Variants in USP15 observed in about 807,000 individuals in gnomAD.
The protein encoded by USP15 is ubiquitin carboxyl-terminal hydrolase 15.
In USP15, 18 loss-of-function variants were observed where a neutral mutation model predicts 127.1. The ratio of observed to expected loss-of-function variants is 0.14; its 90% CI spans 0.10 to 0.21. The LOEUF (loss-of-function observed/expected upper bound fraction) is 0.21. Among genes scored for constraint, USP15 ranks in the 10% least tolerant of loss-of-function variants. The probability of loss-of-function intolerance (pLI) is 1.00; values close to 1 mark genes in which losing one functional copy is unlikely to be tolerated. For synonymous variants in USP15, 364 were observed against 393.7 expected (o/e 0.92, Z 0.89); for missense variants, 805 against 1,159.9 (o/e 0.69, Z 4.44).
chr12:62,392,844 T>C (rs1176772717), intron 18 of USP15, among the ~76,000 whole-genome samples: 1 of 152,174 alleles, frequency 6.6e-6, no homozygotes, highest in East Asian at 1.9e-4. Flanking sequence ...AGTATTTATT[T>C]GTATATTAAT....
chr12:62,357,574 A>T (rs1280730924), intron 8 of USP15, among the ~76,000 whole-genome samples: 1 of 152,074 alleles, frequency 6.6e-6, no homozygotes, highest in East Asian at 1.9e-4. Flanking sequence ...TTTTTGACAA[A>T]AATTTTAGCA....
At chr12:62,354,732 A>T (rs528211211) in intron 7 of USP15, among the ~76,000 whole-genome samples, 1 of 152,058 alleles carries the variant, frequency 6.6e-6, no homozygotes, top group South Asian at 2.1e-4. Flanking sequence ...TAACACTGGG[A>T]TATACTTGCG....
At chr12:62,279,319 T>C (rs2063584338) in intron 1 of USP15, among the ~76,000 whole-genome samples, 1 of 152,204 alleles carries the variant, frequency 6.6e-6, no homozygotes, top group African/African-American at 2.4e-5. Context: ...TTGCTGCATA[T>C]GGCAGGATTT....
chr12:62,362,362 A>G (rs1355305824), intron 8 of USP15, among the ~76,000 whole-genome samples: 1 of 152,082 alleles, frequency 6.6e-6, no homozygotes, highest in Non-Finnish European at 1.5e-5. Flanking sequence ...GGCCCCCATA[A>G]TACAAGATGC....
intron 8 of USP15, among the ~76,000 whole-genome samples, chr12:62,370,632 C>T (rs1265977483): frequency 6.6e-6 from 1 of 151,994 alleles, no homozygotes; most frequent in Non-Finnish European, 1.5e-5. Flanking sequence ...ATGATACCAC[C>T]CTATAGAAAT....
chr12:62,380,060 T>G (rs1373610516), intron 8 of USP15, among the ~76,000 whole-genome samples: 1 of 152,052 alleles, frequency 6.6e-6, no homozygotes. Context: ...GCTGAAAATA[T>G]GTATATGACT....
rs1406237023 is a variant in USP15, at chr12:62,391,797, AAT to A, written c.2234-16_2234-15del. 1 of 1,573,214 alleles carries A rather than the reference AAT, an allele frequency of 6.4e-7. No homozygotes were observed. Among genetic ancestry groups the A allele is most frequent in the Non-Finnish European group, 8.6e-7 (1 of 1,157,998 alleles). ...AAGACATATTAAATTTTAAAGAAAAAATATGTTTTCCACCTTAGAAAGATCTT... is the reference window on the plus strand; with the variant it reads ...AAGACATATTAAATTTTAAAGAAAAAATGTTTTCCACCTTAGAAAGATCTT... On this transcript the variant is annotated splice_polypyrimidine_tract_variant and intron_variant, in intron 16 of 21. Coordinates refer to ENST00000280377, the MANE Select transcript of USP15 (RefSeq NM_001252078.2).
intron 2 of USP15, among the ~76,000 whole-genome samples, chr12:62,300,008 T>C (rs2064259165): frequency 6.6e-6 from 1 of 152,158 alleles, no homozygotes; most frequent in Non-Finnish European, 1.5e-5. Flanking sequence ...ATTGTTTGTC[T>C]TTTTATTGTT....
At chr12:62,395,278 CTG>C (rs1427044346) in intron 19 of USP15, among the ~76,000 whole-genome samples, 2 of 152,084 alleles carry the variant, frequency 1.3e-5, no homozygotes, top group African/African-American at 4.8e-5. Context: ...ATAGTGATGA[CTG>C]TTTTTCCTGG....
chr12:62,333,771 A>C (rs564632057), intron 6 of USP15, among the ~76,000 whole-genome samples: 1 of 152,328 alleles, frequency 6.6e-6, no homozygotes, highest in South Asian at 2.1e-4. Context: ...AGTATGGAGT[A>C]CTGAGAACTG....
chr12:62,374,986 TAAAG>T (rs200053070), intron 8 of USP15, among the ~76,000 whole-genome samples: 2,170 of 152,216 alleles, frequency 0.014, 133 homozygotes, highest in Admixed American at 0.11. Context: ...AGTACTTTAA[TAAAG>T]AATGCATAAA....
chr12:62,314,667 T>C, intron 3 of USP15, 123 bp from the exon 4 acceptor site: 3 of 951,792 alleles, frequency 3.2e-6, no homozygotes, highest in Non-Finnish European at 4.3e-6. Flanking sequence ...ATTGGCAGGC[T>C]TTAATAGTGA....
In USP15 at chr12:62,410,808, ATAAC is replaced by A. The variant is rs1419885396; in HGVS notation, c.*6437_*6440del. 5 of 152,070 alleles carry A rather than the reference ATAAC, an allele frequency of 3.3e-5. No homozygotes were observed. The highest frequency in any genetic ancestry group is 7.2e-5 in the African/African-American group (3 of 41,426). 9.4% of individuals were successfully genotyped at this position (152,070 alleles called of 1,614,324 possible). On this transcript the variant is annotated 3_prime_UTR_variant, in exon 22 of 22. Transcript: ENST00000280377. ...GTATATATTTTTAGCAAAGGAATTAATAACTAATAGCATTGATGAGTCAAGTTAA... is the reference window on the plus strand; with the variant it reads ...GTATATATTTTTAGCAAAGGAATTAATAATAGCATTGATGAGTCAAGTTAA...
intron 3 of USP15, among the ~76,000 whole-genome samples, chr12:62,309,871 A>G (rs2064606011): frequency 6.6e-6 from 1 of 151,938 alleles, no homozygotes; most frequent in African/African-American, 2.4e-5. Context: ...AACTAGGACT[A>G]GAAATCGCCT....
At position 62,411,466 on chromosome 12, in the gene USP15, T is replaced by C. The variant is rs2068040013; in HGVS notation, c.*7091T>C. On this transcript the variant is annotated 3_prime_UTR_variant, in exon 22 of 22. Transcript: ENST00000280377. ...CAAAAACAAAATCCAGTTACAAATA[T>C]AATTTTTAAAGCTATTTGTGAGCAT... The C allele has an allele frequency of 6.6e-6, 1 of 152,240 alleles. No homozygotes were observed. The highest frequency in any genetic ancestry group is 1.9e-4 in the East Asian group (1 of 5,200). 9.4% of individuals were successfully genotyped at this position (152,240 alleles called of 1,614,324 possible).
At position 62,396,369 on chromosome 12, in the gene USP15, A is replaced by G. The variant is rs879469604; in HGVS notation, c.2645A>G (p.Asn882Ser). 3 of 1,612,214 alleles carry G rather than the reference A, an allele frequency of 1.9e-6. No homozygotes were observed. Among genetic ancestry groups the G allele is most frequent in the South Asian group, 1.1e-5 (1 of 90,756 alleles). Reference sequence around the variant, plus strand: ...CGCTATAATCTGATTGCTGTTTCCAACCACTATGGAGGGATGGGAGGAGGA... The same window carrying G: ...CGCTATAATCTGATTGCTGTTTCCAGCCACTATGGAGGGATGGGAGGAGGA... ...PCRYNLIAVS[N>S]HYGGMGGGHY... Residue 882 changes from asparagine (N) to serine (S), a missense_variant, in exon 20 of 22, where the codon AAC becomes AGC. Around this residue, in one of 11 missense-constraint regions of USP15, gnomAD observed 116 missense variants for 157.2 expected, o/e 0.74. Coordinates refer to ENST00000280377, the MANE Select transcript of USP15 (RefSeq NM_001252078.2).
intron 11 of USP15, among the ~76,000 whole-genome samples, chr12:62,385,281 T>A (rs773824335): frequency 1.3e-5 from 2 of 151,884 alleles, no homozygotes; most frequent in Non-Finnish European, 2.9e-5. Context: ...TTTAGAAGAT[T>A]GTTTTCTGTA....
chr12:62,336,415 A>G, intron 6 of USP15: 2 of 985,420 alleles, frequency 2.0e-6, no homozygotes, highest in Non-Finnish European at 2.4e-6. Flanking sequence ...TTCCTCCTCC[A>G]GCCTTTCTTC....
In USP15 at chr12:62,266,192, T is replaced by G. The variant is rs147555463; in HGVS notation, c.89+5689T>G. Among the ~76,000 whole-genome samples the G allele has an allele frequency of 3.3e-3, 500 of 152,306 alleles. 1 individual carries two copies. Among genetic ancestry groups the G allele is most frequent in the Non-Finnish European group, 5.4e-3 (368 of 68,016 alleles). ...GTCTATCAATAATCATAAGCTCTTA[T>G]TAGAGATGATATGGCCCCTTCACAT... On this transcript the variant is annotated intron_variant, in intron 1 of 21. Transcript: ENST00000280377.
Sources: allele counts gnomAD v4.1 joint callset (sites outside exome capture counted in the v4.1 genomes callset), GRCh38; gene constraint gnomAD v4.1.1; regional missense constraint gnomAD v4.1.1; transcripts MANE v1.5; gene names NCBI Gene and HGNC (gene_info 2026-07-23, HGNC 2026-07-21).